The following SOX6 variants were observed in gnomAD, a reference collection of about 807,000 sequenced individuals.
The protein encoded by SOX6 is transcription factor SOX-6.
A neutral mutation model predicts 97.8 loss-of-function variants in SOX6; 11 were observed. The observed-to-expected ratio is 0.11, with a 90% CI of 0.07 to 0.19. SOX6 has a LOEUF of 0.19. SOX6 is among the 10% of genes least tolerant of loss of function. SOX6 has a pLI of 1.00. For synonymous variants in SOX6, 360 were observed against 371.4 expected, an observed-to-expected ratio of 0.97 and a Z score of 0.35; for missense variants, 810 against 1,039.5, an observed-to-expected ratio of 0.78 and a Z score of 3.04.
At chr11:16,272,182 T>C (rs1329707594) in intron 3 of SOX6, among the ~76,000 whole-genome samples, 1 of 151,576 alleles carries the variant, frequency 6.6e-6, no homozygotes, top group Non-Finnish European at 1.5e-5. Flanking sequence ...GATCAAAGTT[T>C]CTTTATTTCA....
chr11:16,027,157 A>C (rs1351601540), intron 12 of SOX6, among the ~76,000 whole-genome samples: 2 of 152,182 alleles, frequency 1.3e-5, no homozygotes, highest in African/African-American at 2.4e-5. Context: ...ATACTCTTCT[A>C]TCTCTTAAAA....
intron 12 of SOX6, among the ~76,000 whole-genome samples, chr11:16,039,873 A>G (rs980547117): frequency 6.6e-6 from 1 of 151,978 alleles, no homozygotes; most frequent in African/African-American, 2.4e-5. Context: ...GATAATTTTT[A>G]AGAGTGTAAA....
At chr11:16,311,125 A>T (rs774495298) in intron 3 of SOX6, 2 of 152,146 alleles carry the variant, frequency 1.3e-5, no homozygotes, top group Non-Finnish European at 2.9e-5. Flanking sequence ...AAAGAGAGTT[A>T]AACTGAATTG....
At chr11:16,458,434 CA>C (rs961791192) in intron 1 of SOX6, among the ~76,000 whole-genome samples, 28 of 151,526 alleles carry the variant, frequency 1.8e-4, no homozygotes, top group Non-Finnish European at 1.3e-4. Flanking sequence ...TTAAAGTATG[CA>C]AAAAAGTAAT....
chr11:15,980,567 C>T (rs1182475194), intron 15 of SOX6, among the ~76,000 whole-genome samples: 1 of 152,058 alleles, frequency 6.6e-6, no homozygotes, highest in Non-Finnish European at 1.5e-5. Flanking sequence ...CCAAAATCTT[C>T]CTCCACCCTA....
intron 4 of SOX6, among the ~76,000 whole-genome samples, chr11:16,608,128 A>G (rs970366267): frequency 6.6e-6 from 1 of 151,988 alleles, no homozygotes; most frequent in Non-Finnish European, 1.5e-5. Flanking sequence ...GAAAACGACC[A>G]AAAGAGCTCT....
chr11:16,318,129 AT>A (rs1357101719), intron 3 of SOX6: 2 of 390,338 alleles, frequency 5.1e-6, no homozygotes, highest in Non-Finnish European at 9.6e-6. Context: ...GGGAGAAAAA[AT>A]GAAAAATAAA....
At chr11:16,594,412 T>G (rs1441612385) in intron 4 of SOX6, among the ~76,000 whole-genome samples, 1 of 152,126 alleles carries the variant, frequency 6.6e-6, no homozygotes, top group African/African-American at 2.4e-5. Context: ...AAGCTAACAA[T>G]TTCTTTAAAA....
chr11:16,164,683 G>T lies in SOX6; in HGVS notation c.777+19203C>A, dbSNP rs1337926607. Among the ~76,000 whole-genome samples the T allele has an allele frequency of 2.0e-5, 3 of 151,900 alleles. No homozygotes were observed. The East Asian group carries it at 5.8e-4, about 29-fold the overall frequency. Reference sequence around the variant, plus strand: ...TAAACTACAAAAGAAATTAGCCAGGGGTAGTGGTGTGCACCTGTAATCCCA... The same window carrying T: ...TAAACTACAAAAGAAATTAGCCAGGTGTAGTGGTGTGCACCTGTAATCCCA... On this transcript the variant is annotated intron_variant, in intron 6 of 15. Coordinates refer to ENST00000683767, the MANE Select transcript of SOX6 (RefSeq NM_001367873.1).
intron 9 of SOX6, among the ~76,000 whole-genome samples, chr11:16,078,951 G>A (rs552086669): frequency 1.3e-5 from 2 of 152,258 alleles, no homozygotes; most frequent in Admixed American, 1.3e-4. Flanking sequence ...AATATGTCAG[G>A]TGTCAGAAAG....
At chr11:16,107,534 A>C (rs1209298024) in intron 7 of SOX6, among the ~76,000 whole-genome samples, 1 of 151,138 alleles carries the variant, frequency 6.6e-6, no homozygotes. Context: ...TAAGCTAGAC[A>C]TAGAAGGATA....
rs139695943 is a variant in SOX6 at position 16,694,459 on chromosome 11, G to A, written n.429+20371C>T. ...GATCGCTTGAGCCCAGGAGTTTGAGGCTACAGTGAGCTATGATAGTGCCTC... is the reference window on the plus strand; with the variant it reads ...GATCGCTTGAGCCCAGGAGTTTGAGACTACAGTGAGCTATGATAGTGCCTC... On this transcript the variant is annotated intron_variant and non_coding_transcript_variant, in intron 3 of 5. Coordinates refer to the SOX6 transcript ENST00000524520. Among the ~76,000 whole-genome samples the A allele has an allele frequency of 5.6e-4, 85 of 152,248 alleles. No homozygotes were observed. In the Middle Eastern group the frequency reaches 0.024, roughly 43 times the overall value.
chr11:16,239,508 A>G (rs1853121176), intron 3 of SOX6, among the ~76,000 whole-genome samples: 1 of 152,112 alleles, frequency 6.6e-6, no homozygotes, highest in Admixed American at 6.6e-5. Context: ...CAAACTCTAG[A>G]TAAAATCCAG....
chr11:16,599,265 C>T (rs1299940276), intron 4 of SOX6, among the ~76,000 whole-genome samples: 1 of 152,112 alleles, frequency 6.6e-6, no homozygotes, highest in Non-Finnish European at 1.5e-5. Context: ...TCGCCACACA[C>T]ACCACAATAA....
chr11:16,268,229 T>C (rs993030567), intron 3 of SOX6, among the ~76,000 whole-genome samples: 1 of 151,406 alleles, frequency 6.6e-6, no homozygotes, highest in African/African-American at 2.4e-5. Context: ...ATATTTGACA[T>C]GATGAATAGG....
chr11:16,700,886 C>T (rs1848087572), intron 3 of SOX6, among the ~76,000 whole-genome samples: 1 of 152,156 alleles, frequency 6.6e-6, no homozygotes, highest in African/African-American at 2.4e-5. Flanking sequence ...TCATTAAAAT[C>T]CTTTCCTCTG....
intron 3 of SOX6, among the ~76,000 whole-genome samples, chr11:16,667,976 C>T (rs1847819487): frequency 6.6e-6 from 1 of 152,182 alleles, no homozygotes; most frequent in Non-Finnish European, 1.5e-5. Flanking sequence ...TTCATTTTCT[C>T]TTTGCTTGTT....
At chr11:16,223,715 C>T (rs1852608601) in intron 4 of SOX6, among the ~76,000 whole-genome samples, 1 of 152,074 alleles carries the variant, frequency 6.6e-6, no homozygotes, top group African/African-American at 2.4e-5. Context: ...TAATTCCACA[C>T]AGGGCGATTA....
chr11:16,652,674 T>C (rs1043055945), intron 3 of SOX6, among the ~76,000 whole-genome samples: 2 of 152,002 alleles, frequency 1.3e-5, no homozygotes, highest in African/African-American at 2.4e-5. Flanking sequence ...AAGATAACAT[T>C]GGTAAAACTC....
Sources: allele counts gnomAD v4.1 joint callset (sites outside exome capture counted in the v4.1 genomes callset), GRCh38; gene constraint gnomAD v4.1.1; transcripts MANE v1.5; gene names NCBI Gene and HGNC (gene_info 2026-07-23, HGNC 2026-07-21).